The following RALGAPA1 variants were observed in gnomAD, a reference collection of about 807,000 sequenced individuals.
The protein encoded by RALGAPA1 is Ral GTPase activating protein catalytic subunit alpha 1.
A neutral mutation model predicts 269.6 loss-of-function variants in RALGAPA1; 52 were observed. The ratio of observed to expected loss-of-function variants is 0.19; its 90% CI spans 0.15 to 0.24. The LOEUF is 0.24. RALGAPA1 is among the 10% of genes least tolerant of loss of function. The pLI is 1.00. For synonymous variants in RALGAPA1, 817 were observed against 1,008.3 expected (o/e 0.81, Z 3.60); for missense variants, 1,917 against 3,013.9 (o/e 0.64, Z 8.52).
intron 21 of RALGAPA1, chr14:35,683,535 T>TGTA: frequency 1.7e-5 from 4 of 230,498 alleles, no homozygotes; most frequent in Non-Finnish European, 2.5e-5. Context: ...CCCATTAAAA[T>TGTA]TTTTTTTTAA....
intron 10 of RALGAPA1, among the ~76,000 whole-genome samples, chr14:35,745,124 T>C (rs1595402383): frequency 6.6e-6 from 1 of 152,140 alleles, no homozygotes; most frequent in African/African-American, 2.4e-5. Flanking sequence ...TTATTAGCCA[T>C]AGCTAAAAAC....
chr14:35,725,237 T>G, intron 13 of RALGAPA1, 84 bp from the exon 14 acceptor site: 1 of 936,720 alleles, frequency 1.1e-6, no homozygotes, highest in Non-Finnish European at 1.5e-6. Context: ...ACATACTTCT[T>G]ATAAAAATTC....
chr14:35,657,976 C>A (rs1379347980), intron 28 of RALGAPA1, among the ~76,000 whole-genome samples: 1 of 152,034 alleles, frequency 6.6e-6, no homozygotes, highest in South Asian at 2.1e-4. Flanking sequence ...CAAGCACATA[C>A]AAAGGGCTTT....
chr14:35,548,483 T>C (rs1456248145), intron 41 of RALGAPA1, 25 bp downstream of exon 41: 2 of 1,528,112 alleles, frequency 1.3e-6, no homozygotes, highest in Non-Finnish European at 8.9e-7. Flanking sequence ...GAACAGAGGG[T>C]GTTTTGGTTG....
Position 35,774,079 on chromosome 14 carries a change from G to C in RALGAPA1, c.267+927C>G, listed in dbSNP as rs2074844525. On this transcript the variant is annotated intron_variant, in intron 3 of 41. Transcript: ENST00000680220. ...CAAGCGCCTGCCACCACCATGCCTT[G>C]GCTAACTTTTTTGATTTTTAATAGA... Among the ~76,000 whole-genome samples, 3 of 151,868 alleles carry C rather than the reference G, an allele frequency of 2.0e-5. No homozygotes were observed. In the South Asian group the frequency reaches 6.2e-4, roughly 32 times the overall value.
chr14:35,684,831 C>T, intron 20 of RALGAPA1, 98 bp downstream of exon 20: 1 of 1,244,200 alleles, frequency 8.0e-7, no homozygotes, highest in Non-Finnish European at 1.1e-6. Flanking sequence ...GCCTAAGTAA[C>T]ACTGGAGAGG....
At chr14:35,601,063 A>G (rs1363330099) in intron 36 of RALGAPA1, among the ~76,000 whole-genome samples, 1 of 152,194 alleles carries the variant, frequency 6.6e-6, no homozygotes, top group African/African-American at 2.4e-5. Flanking sequence ...GACACCTGGG[A>G]AACAGGGAAG....
At chr14:35,631,532 T>C (rs2139680904) in intron 33 of RALGAPA1, among the ~76,000 whole-genome samples, 1 of 152,278 alleles carries the variant, frequency 6.6e-6, no homozygotes, top group East Asian at 1.9e-4. Flanking sequence ...ACTCTCCCTT[T>C]TGAGTGACAT....
intron 35 of RALGAPA1, among the ~76,000 whole-genome samples, chr14:35,610,579 G>C (rs1335686888): frequency 6.6e-6 from 1 of 152,106 alleles, no homozygotes; most frequent in Non-Finnish European, 1.5e-5. Context: ...ACTGCGCCTG[G>C]CCAAAAGACA....
At chr14:35,746,100 A>G (rs1166485767) in intron 10 of RALGAPA1, among the ~76,000 whole-genome samples, 2 of 152,194 alleles carry the variant, frequency 1.3e-5, no homozygotes, top group Non-Finnish European at 2.9e-5. Flanking sequence ...GAAATCCCAC[A>G]TTTGCAACAA....
intron 9 of RALGAPA1, among the ~76,000 whole-genome samples, 192 bp from the exon 10 acceptor site, chr14:35,749,016 C>G (rs2072420916): frequency 6.6e-6 from 1 of 152,074 alleles, no homozygotes; most frequent in South Asian, 2.1e-4. Context: ...GCAAGTAACT[C>G]AACATCTAAG....
intron 27 of RALGAPA1, among the ~76,000 whole-genome samples, chr14:35,662,257 C>T (rs1490222227): frequency 1.3e-5 from 2 of 151,972 alleles, no homozygotes; most frequent in African/African-American, 4.8e-5. Context: ...TAAAGAGAGG[C>T]AAGAAGAGGA....
chr14:35,736,816 A>G (rs762455963), intron 12 of RALGAPA1, among the ~76,000 whole-genome samples: 26 of 152,168 alleles, frequency 1.7e-4, no homozygotes, highest in Non-Finnish European at 3.1e-4. Context: ...CAGGCAGATC[A>G]CTTGAGGTCA....
At chr14:35,648,398 G>A (rs1386107094) in intron 31 of RALGAPA1, among the ~76,000 whole-genome samples, 1 of 151,468 alleles carries the variant, frequency 6.6e-6, no homozygotes, top group East Asian at 1.9e-4. Context: ...CCTAGGAGGC[G>A]GAGATTGCAG....
chr14:35,735,069 TG>T (rs2070855893), intron 12 of RALGAPA1, among the ~76,000 whole-genome samples: 1 of 151,218 alleles, frequency 6.6e-6, no homozygotes. Flanking sequence ...CACTAGATGC[TG>T]GCATGGATGT....
intron 1 of RALGAPA1, among the ~76,000 whole-genome samples, chr14:35,800,633 T>C (rs2076897810): frequency 6.6e-6 from 1 of 152,060 alleles, no homozygotes; most frequent in Non-Finnish European, 1.5e-5. Flanking sequence ...AGAAGAACAG[T>C]TTCAAATCAA....
chr14:35,700,309 A>G lies in RALGAPA1; in HGVS notation c.2267-7T>C, dbSNP rs2067237582. 15 of 1,505,208 alleles carry G rather than the reference A, an allele frequency of 1.0e-5. No homozygotes were observed. The highest frequency in any genetic ancestry group is 1.3e-5 in the Non-Finnish European group (15 of 1,136,740). The allele number at this position is 1,505,208 out of a possible 1,614,324, so 93.2% of individuals were successfully genotyped here. A position where few individuals can be genotyped will look rare whatever the true frequency, so the allele number is the denominator to read the frequency against. On this transcript the variant is annotated splice_region_variant and splice_polypyrimidine_tract_variant and intron_variant, in intron 16 of 41. Coordinates refer to ENST00000680220, the MANE Select transcript of RALGAPA1 (RefSeq NM_001346249.2). ...ATGGATCGGCTTCTCATGGCTTTAA[A>G]AAAGGAAAAGAAAGAAGTGGGGAAG...
chr14:35,728,135 T>C (rs575832970), intron 13 of RALGAPA1, among the ~76,000 whole-genome samples: 1 of 152,362 alleles, frequency 6.6e-6, no homozygotes, highest in Admixed American at 6.5e-5. Flanking sequence ...GGCCATTATA[T>C]GCTCACTTCA....
At chr14:35,615,444 T>C (rs866704121) in intron 35 of RALGAPA1, among the ~76,000 whole-genome samples, 5 of 152,170 alleles carry the variant, frequency 3.3e-5, no homozygotes, top group Non-Finnish European at 7.4e-5. Flanking sequence ...TAGTCCTCCC[T>C]AGACAAGTAA....
Sources: gnomAD v4.1 joint callset for allele counts (sites outside exome capture counted in the v4.1 genomes callset) on GRCh38, gnomAD v4.1.1 for gene constraint, MANE v1.5 for transcripts, NCBI Gene and HGNC (gene_info 2026-07-23, HGNC 2026-07-21) for gene names.